The following CNN3 variants were observed in gnomAD, a reference collection of about 807,000 sequenced individuals.
CNN3 encodes the protein calponin 3.
In CNN3, 11 loss-of-function variants were observed where a neutral mutation model predicts 39.0. That is an observed-to-expected ratio of 0.28 (90% confidence interval 0.18 to 0.47). CNN3 has a LOEUF of 0.47. Ranked by LOEUF, CNN3 falls within the 20% of genes least tolerant of loss-of-function variation. The pLI, the probability that CNN3 is intolerant of heterozygous loss-of-function variation, is 0.99. For synonymous variants in CNN3, 101 were observed against 138.3 expected (o/e 0.73, Z 1.89); for missense variants, 266 against 403.4 (o/e 0.66, Z 2.92).
At chr1:94,908,952 C>T (rs1671088199) in intron 1 of CNN3, among the ~76,000 whole-genome samples, 2 of 147,978 alleles carry the variant, frequency 1.4e-5, no homozygotes. Context: ...CGAGACCAGC[C>T]AGGGCAATAT....
In CNN3 at chr1:94,926,942, C is replaced by T. The variant is rs1422423594; in HGVS notation, c.-48G>A. ...GACAGCGCTGGGGTCCGGGGTCTCT[C>T]GCACTTCGCTTCCCCGCTCCTGGCC... On this transcript the variant is annotated 5_prime_UTR_variant, in exon 1 of 7. Transcript: ENST00000370206. The surrounding 1 kb of genome is among the most constrained non-coding windows in gnomAD (Gnocchi z 4.2). 1.9e-6 allele frequency: 3 copies of T among 1,583,048 alleles called. No individual in the cohort carries two copies. Among genetic ancestry groups the T allele is most frequent in the African/African-American group, 2.7e-5 (2 of 72,864 alleles).
At chr1:94,909,646 AG>A (rs1169174616) in intron 1 of CNN3, among the ~76,000 whole-genome samples, 7 of 152,208 alleles carry the variant, frequency 4.6e-5, no homozygotes, top group Admixed American at 1.3e-4. Context: ...GGCAGACACT[AG>A]AGCAGATACA....
At chr1:94,920,769 G>A (rs1366539185) in intron 1 of CNN3, among the ~76,000 whole-genome samples, 2 of 152,118 alleles carry the variant, frequency 1.3e-5, no homozygotes, top group East Asian at 1.9e-4. Flanking sequence ...AAGTCTTCAA[G>A]TTCAAAAGGG....
At chr1:94,915,580 T>C (rs766714985) in intron 1 of CNN3, among the ~76,000 whole-genome samples, 38 of 152,220 alleles carry the variant, frequency 2.5e-4, no homozygotes, top group Non-Finnish European at 4.6e-4. Context: ...TCCATCAGAG[T>C]GCTATGCCCC....
intron 1 of CNN3, among the ~76,000 whole-genome samples, chr1:94,925,076 GA>G (rs1250798506): frequency 1.3e-5 from 2 of 152,160 alleles, no homozygotes; most frequent in Non-Finnish European, 2.9e-5. Flanking sequence ...TATTAAGCAG[GA>G]AAAGGGCAAA....
At position 94,898,011 on chromosome 1, in the gene CNN3, A is replaced by C; in HGVS notation, c.721T>G (p.Ser241Ala). ...QKLTLQPVDNSTISLQMGTNK... is the reference protein window; with the variant it reads ...QKLTLQPVDNATISLQMGTNK... ...GTACCCATCTGTAGGGAAATTGTCG[A>C]GTTGTCCACCGGCTGTAATGTTAGC... The change falls in exon 7 of 7, where the codon TCG becomes GCG. Residue 241 changes from serine (S) to alanine (A), a missense_variant. Physicochemically the swap from Ser to Ala is moderately conservative, Grantham distance 99 (BLOSUM62 1). Coordinates refer to ENST00000370206, the MANE Select transcript of CNN3 (RefSeq NM_001839.5). 6.2e-7 allele frequency: 1 copy of C among 1,614,070 alleles called. No individual in the cohort carries two copies. Among genetic ancestry groups the C allele is most frequent in the Non-Finnish European group, 8.5e-7 (1 of 1,179,972 alleles).
intron 1 of CNN3, chr1:94,924,411 CA>C (rs1217416571): frequency 6.6e-6 from 1 of 152,348 alleles, no homozygotes; most frequent in Non-Finnish European, 1.5e-5. Flanking sequence ...CACCTGAGGT[CA>C]GGAGTTGGAG....
At chr1:94,917,907 A>G (rs975754488) in intron 1 of CNN3, among the ~76,000 whole-genome samples, 1 of 152,156 alleles carries the variant, frequency 6.6e-6, no homozygotes, top group Admixed American at 6.5e-5. Flanking sequence ...GACTTGTCCA[A>G]AGGTTGTGGG....
intron 1 of CNN3, among the ~76,000 whole-genome samples, chr1:94,907,838 C>T (rs1043894114): frequency 3.3e-5 from 5 of 152,132 alleles, no homozygotes; most frequent in Admixed American, 6.5e-5. Context: ...GCAGCCTGGG[C>T]AACAGAGCAA....
intron 1 of CNN3, among the ~76,000 whole-genome samples, chr1:94,907,567 A>G (rs1339657189): frequency 2.6e-5 from 4 of 152,228 alleles, no homozygotes; most frequent in African/African-American, 9.6e-5. Flanking sequence ...TTACTTAAAA[A>G]TTACTCTTCC....
intron 1 of CNN3, among the ~76,000 whole-genome samples, chr1:94,921,762 G>A (rs745631456): frequency 1.3e-5 from 2 of 152,154 alleles, no homozygotes; most frequent in African/African-American, 4.8e-5. Context: ...GATAATCCTC[G>A]TTAAAACTCC....
At chr1:94,925,908 A>G (rs1571541054) in intron 1 of CNN3, 3 of 761,842 alleles carry the variant, frequency 3.9e-6, no homozygotes, top group Non-Finnish European at 4.8e-6. Context: ...ATGGGCTTGG[A>G]ATGCAGGGAG....
chr1:94,925,725 G>T, intron 1 of CNN3: 1 of 985,432 alleles, frequency 1.0e-6, no homozygotes, highest in Non-Finnish European at 1.2e-6. Flanking sequence ...GCGGTCGGAC[G>T]GTGCGGTGGC....
rs1009077590 is a variant in CNN3 at position 94,926,653 on chromosome 1, G to A, written c.57+185C>T. On this transcript the variant is annotated intron_variant, in intron 1 of 6. Transcript: ENST00000370206. The surrounding 1 kb of genome is among the most constrained non-coding windows in gnomAD (Gnocchi z 4.2). ...GGAACAAAGCCAGGCGGGTGCCCGG[G>A]AGCCGGCCCCGCAAGCCCGGGGACT... Among the ~76,000 whole-genome samples, 25 of 152,180 alleles carry A rather than the reference G, an allele frequency of 1.6e-4. 1 individual carries two copies. The highest frequency in any genetic ancestry group is 1.5e-5 in the Non-Finnish European group (1 of 68,016).
chr1:94,899,214 G>A (rs1264071307), intron 6 of CNN3, among the ~76,000 whole-genome samples, 157 bp downstream of exon 6: 2 of 152,074 alleles, frequency 1.3e-5, no homozygotes, highest in South Asian at 4.2e-4. Flanking sequence ...TGCTGCTATC[G>A]AAAAGGTCTT....
At position 94,927,069 on chromosome 1, in the gene CNN3, G is replaced by C. The variant is rs1349734456; in HGVS notation, c.-175C>G. 3 of 601,174 alleles carry C rather than the reference G, an allele frequency of 5.0e-6. No individual in the cohort carries two copies. The highest frequency in any genetic ancestry group is 2.0e-5 in the African/African-American group (1 of 50,478). The allele number at this position is 601,174 out of a possible 1,614,324, so 37.2% of individuals were successfully genotyped here. ...GGTGCCTGGGCGACTGGGTCCAACT[G>C]GGTGCTACAGAGCCTCGAGCTCCGC... is the stretch of plus-strand genomic sequence containing the variant. On this transcript the variant is annotated 5_prime_UTR_variant, in exon 1 of 7. Transcript: ENST00000370206.
intron 1 of CNN3, among the ~76,000 whole-genome samples, chr1:94,916,063 A>G (rs1671271849): frequency 6.6e-6 from 1 of 151,758 alleles, no homozygotes; most frequent in Admixed American, 6.6e-5. Flanking sequence ...GAAATGGCAA[A>G]TTTTTAATTG....
At chr1:94,918,890 CAAA>C (rs35284184) in intron 1 of CNN3, among the ~76,000 whole-genome samples, 10 of 102,732 alleles carry the variant, frequency 9.7e-5, no homozygotes, top group Non-Finnish European at 9.8e-5. Context: ...AAGACTGTCT[CAAA>C]AAAAAAAAAA....
At chr1:94,922,402 TCAA>T (rs907319378) in intron 1 of CNN3, among the ~76,000 whole-genome samples, 2 of 152,222 alleles carry the variant, frequency 1.3e-5, no homozygotes, top group Non-Finnish European at 2.9e-5. Flanking sequence ...ATTCATTAAA[TCAA>T]CAAATATTCA....
Sources: gnomAD v4.1 joint callset for allele counts (sites outside exome capture counted in the v4.1 genomes callset) on GRCh38, gnomAD v4.1.1 for gene constraint, Gnocchi (gnomAD v3.1) non-coding constraint, MANE v1.5 for transcripts, NCBI Gene and HGNC (gene_info 2026-07-23, HGNC 2026-07-21) for gene names.